Variants in SYBU observed in about 807,000 individuals in gnomAD.
The protein encoded by SYBU is GOLSYN A protein.
In SYBU, 21 loss-of-function variants were observed where a neutral mutation model predicts 35.9. That is an observed-to-expected ratio of 0.58 (90% CI 0.41 to 0.84). The LOEUF (loss-of-function observed/expected upper bound fraction) is 0.84. Ranked by LOEUF, SYBU falls within the 40% of genes least tolerant of loss-of-function variation. The pLI is 0.00. For missense variants in SYBU, 768 were observed against 848.2 expected (o/e 0.91, Z 1.17); for synonymous variants, 319 against 324.3 (o/e 0.98, Z 0.18).
chr8:109,622,034 C>T (rs981161912), intron 2 of SYBU, among the ~76,000 whole-genome samples: 2 of 152,058 alleles, frequency 1.3e-5, no homozygotes, highest in East Asian at 3.8e-4. Flanking sequence ...TCTTCATGGC[C>T]GGTTGGAAGC....
intron 1 of SYBU, among the ~76,000 whole-genome samples, chr8:109,655,779 T>A (rs1480315250): frequency 2.0e-5 from 3 of 152,232 alleles, no homozygotes; most frequent in Middle Eastern, 3.2e-3. Flanking sequence ...GCTGTATTTT[T>A]CTTGTTATAA....
Position 109,618,952 on chromosome 8 carries a change from C to G in SYBU, c.317G>C (p.Gly106Ala), listed in dbSNP as rs761822973. ...CTTTCTGGTGAAGCCTTCATCACTT[C>G]CAGGGCAAAAGCCAATGGGGCTGTT... ...AGNSPIGFCP[G>A]SDEGFTRKKC... is the part of the protein sequence containing the mutation. Residue 106 changes from glycine to alanine, a missense_variant, in exon 3 of 7, where the codon GGA (glycine) becomes GCA (alanine). By Grantham distance (60) the Gly-to-Ala change is moderately conservative. Transcript: ENST00000276646. The G allele has an allele frequency of 3.7e-6, 6 of 1,614,202 alleles. No individual in the cohort carries two copies. In the South Asian group the frequency reaches 6.6e-5, roughly 18 times the overall value.
chr8:109,589,031 GC>G (rs2129774288), intron 3 of SYBU, among the ~76,000 whole-genome samples: 1 of 152,234 alleles, frequency 6.6e-6, no homozygotes, highest in East Asian at 1.9e-4. Context: ...GTGGTGGTGA[GC>G]GCCTGTAATC....
intron 2 of SYBU, among the ~76,000 whole-genome samples, chr8:109,625,493 C>T (rs1194384245): frequency 1.3e-5 from 2 of 152,104 alleles, no homozygotes; most frequent in East Asian, 1.9e-4. Flanking sequence ...AACAATCATA[C>T]CTCACTGCAG....
intron 6 of SYBU, among the ~76,000 whole-genome samples, chr8:109,576,236 A>AT (rs966671013): frequency 6.6e-6 from 1 of 152,112 alleles, no homozygotes; most frequent in African/African-American, 2.4e-5. Flanking sequence ...GAAGCAGTAC[A>AT]TTTTCTCTTT....
chr8:109,633,400 G>T (rs764819937), intron 2 of SYBU, among the ~76,000 whole-genome samples: 5 of 152,198 alleles, frequency 3.3e-5, no homozygotes, highest in Non-Finnish European at 5.9e-5. Flanking sequence ...TAGTGGGATG[G>T]GTGAATGCTG....
chr8:109,581,437 G>T (rs961625257), intron 4 of SYBU, among the ~76,000 whole-genome samples: 2 of 152,178 alleles, frequency 1.3e-5, no homozygotes, highest in Non-Finnish European at 2.9e-5. Flanking sequence ...AAGCTATTAA[G>T]GGTAACTCAA....
upstream of SYBU, among the ~76,000 whole-genome samples, chr8:109,684,311 ACTT>A (rs1817470105): frequency 6.6e-6 from 1 of 152,180 alleles, no homozygotes; most frequent in South Asian, 2.1e-4. Flanking sequence ...TTCTTTTTGT[ACTT>A]CTTTATGAAA....
intron 1 of SYBU, among the ~76,000 whole-genome samples, chr8:109,670,116 A>G (rs1334238885): frequency 1.3e-5 from 2 of 152,020 alleles, no homozygotes; most frequent in African/African-American, 4.8e-5. Context: ...TAATAAATTC[A>G]TTTTCATGAT....
At chr8:109,599,486 T>C (rs1039840507) in intron 3 of SYBU, among the ~76,000 whole-genome samples, 1 of 152,184 alleles carries the variant, frequency 6.6e-6, no homozygotes, top group African/African-American at 2.4e-5. Flanking sequence ...CATAATCCAT[T>C]TTCACAAATT....
chr8:109,600,709 T>A (rs1825423260), intron 3 of SYBU, among the ~76,000 whole-genome samples: 1 of 152,086 alleles, frequency 6.6e-6, no homozygotes, highest in African/African-American at 2.4e-5. Flanking sequence ...TCCAGTAAAA[T>A]TGTAGAGAAA....
At chr8:109,663,301 G>A (rs866097963) in intron 1 of SYBU, among the ~76,000 whole-genome samples, 84 of 131,514 alleles carry the variant, frequency 6.4e-4, no homozygotes, top group Middle Eastern at 3.8e-3. Context: ...AGATAGATAG[G>A]TAGATAGATA....
chr8:109,639,595 T>C (rs967074003), intron 2 of SYBU, among the ~76,000 whole-genome samples: 2 of 152,248 alleles, frequency 1.3e-5, no homozygotes, highest in Non-Finnish European at 2.9e-5. Context: ...GGAGGATTAC[T>C]GGAAGGTTGC....
At chr8:109,626,038 T>C (rs1164612688) in intron 2 of SYBU, among the ~76,000 whole-genome samples, 1 of 152,240 alleles carries the variant, frequency 6.6e-6, no homozygotes, top group Admixed American at 6.5e-5. Context: ...TTTAATTGTT[T>C]GTGAAGCTCA....
chr8:109,635,840 C>T (rs1318416667), intron 2 of SYBU, among the ~76,000 whole-genome samples: 1 of 152,218 alleles, frequency 6.6e-6, no homozygotes, highest in Non-Finnish European at 1.5e-5. Context: ...TTGATCATAA[C>T]ACTTCCTTGC....
chr8:109,606,975 G>T (rs1826132642), intron 3 of SYBU, among the ~76,000 whole-genome samples: 1 of 152,110 alleles, frequency 6.6e-6, no homozygotes, highest in Admixed American at 6.5e-5. Flanking sequence ...TTTGCTTTTT[G>T]TTTAGAGCTG....
At chr8:109,612,051 T>C (rs1044975617) in intron 3 of SYBU, among the ~76,000 whole-genome samples, 1 of 152,210 alleles carries the variant, frequency 6.6e-6, no homozygotes, top group African/African-American at 2.4e-5. Context: ...AGGTGGACTT[T>C]ACTACTATGG....
intron 2 of SYBU, among the ~76,000 whole-genome samples, chr8:109,624,664 G>A (rs1230246260): frequency 1.3e-5 from 2 of 152,258 alleles, no homozygotes; most frequent in Admixed American, 1.3e-4. Flanking sequence ...TCCCTATGAA[G>A]AATTCTTGCC....
At chr8:109,638,614 C>T (rs768156662) in intron 2 of SYBU, among the ~76,000 whole-genome samples, 10 of 152,068 alleles carry the variant, frequency 6.6e-5, no homozygotes, top group Non-Finnish European at 8.8e-5. Context: ...TACTTCCTTA[C>T]GTATTTTTAA....
Sources: allele counts gnomAD v4.1 joint callset (sites outside exome capture counted in the v4.1 genomes callset), GRCh38; gene constraint gnomAD v4.1.1; transcripts MANE v1.5; gene names NCBI Gene and HGNC (gene_info 2026-07-23, HGNC 2026-07-21).